Variants in OPCML observed in about 807,000 individuals in gnomAD.
OPCML encodes the protein opioid-binding protein/cell adhesion molecule.
In OPCML, 13 loss-of-function variants were observed where a neutral mutation model predicts 37.8. The ratio of observed to expected loss-of-function variants is 0.34; its 90% CI spans 0.22 to 0.55. The LOEUF is 0.55. Among genes scored for constraint, OPCML ranks in the 20% least tolerant of loss-of-function variants. The pLI is 0.91. For missense variants in OPCML, 341 were observed against 435.6 expected (o/e 0.78, Z 1.93); for synonymous variants, 176 against 168.8 (o/e 1.04, Z -0.33).
intron 1 of OPCML, among the ~76,000 whole-genome samples, chr11:133,283,745 A>G (rs2136515235): frequency 6.6e-6 from 1 of 152,274 alleles, no homozygotes; most frequent in East Asian, 1.9e-4. Flanking sequence ...AGTTGGGGGA[A>G]TAGGCCCCGG....
intron 2 of OPCML, among the ~76,000 whole-genome samples, chr11:132,783,773 T>A (rs1048120162): frequency 5.3e-5 from 8 of 152,146 alleles, no homozygotes; most frequent in African/African-American, 1.7e-4. Context: ...AAAATCTAAG[T>A]GAGACAAAGT....
At position 132,749,798 on chromosome 11, in the gene OPCML, G is replaced by A. The variant is rs372449427; in HGVS notation, c.147-92479C>T. On this transcript the variant is annotated intron_variant, in intron 2 of 7. Coordinates refer to ENST00000524381, the MANE Select transcript of OPCML (RefSeq NM_001012393.5). The stretch of plus-strand genomic sequence containing the variant: ...CAGGGATTGTGGTAGATGCCCCTGG[G>A]TCCAAGTGAAGAAACAGTTTTTAAA... 1.4e-3 allele frequency among the ~76,000 whole-genome samples: 212 copies of A among 152,254 alleles called. 3 individuals are homozygous for A. The South Asian group carries it at 0.02, about 14-fold the overall frequency.
At chr11:133,261,468 G>T (rs1046003640) in intron 1 of OPCML, among the ~76,000 whole-genome samples, 4 of 152,196 alleles carry the variant, frequency 2.6e-5, no homozygotes, top group African/African-American at 9.7e-5. Context: ...AGAGTGGTGA[G>T]GCTGGCACAT....
chr11:132,954,801 G>A (rs1189953095), intron 1 of OPCML, among the ~76,000 whole-genome samples: 1 of 152,092 alleles, frequency 6.6e-6, no homozygotes, highest in Non-Finnish European at 1.5e-5. Context: ...TCTGAGCAAC[G>A]CAAACACATG....
At chr11:132,597,516 T>C (rs369752335) in intron 3 of OPCML, among the ~76,000 whole-genome samples, 2 of 152,274 alleles carry the variant, frequency 1.3e-5, no homozygotes, top group Middle Eastern at 3.4e-3. Flanking sequence ...GCAAGACAAA[T>C]GAAAGGAAAG....
chr11:132,966,277 T>A (rs148147565), intron 1 of OPCML, among the ~76,000 whole-genome samples: 54 of 152,278 alleles, frequency 3.5e-4, no homozygotes, highest in Middle Eastern at 3.4e-3. Context: ...CCCTTGTGAT[T>A]GTTTTTCTTT....
At chr11:132,574,535 T>G (rs1177790852) in intron 3 of OPCML, among the ~76,000 whole-genome samples, 1 of 151,932 alleles carries the variant, frequency 6.6e-6, no homozygotes, top group East Asian at 1.9e-4. Context: ...TGTTCAAGAA[T>G]GTTTTGTGTA....
Position 133,264,665 on chromosome 11 carries a change from G to A in OPCML, c.61+267599C>T, listed in dbSNP as rs1292497527. ...TTTATAAGAGCACTTAGAAGCAAGT[G>A]CAAACCTCAGATTCCTCAACTTTCA... On this transcript the variant is annotated intron_variant, in intron 1 of 7. Transcript: ENST00000524381. Among the ~76,000 whole-genome samples the A allele has an allele frequency of 2.0e-5, 3 of 152,152 alleles. No homozygotes were observed. The East Asian group carries it at 5.8e-4, about 29-fold the overall frequency.
At chr11:133,263,650 C>T (rs1418345386) in intron 1 of OPCML, among the ~76,000 whole-genome samples, 4 of 152,076 alleles carry the variant, frequency 2.6e-5, no homozygotes, top group Non-Finnish European at 5.9e-5. Context: ...ACTTGTTTCT[C>T]ATGAGAGGCG....
intron 1 of OPCML, among the ~76,000 whole-genome samples, chr11:133,116,317 T>C (rs1949332770): frequency 6.6e-6 from 1 of 152,208 alleles, no homozygotes; most frequent in Non-Finnish European, 1.5e-5. Context: ...TAGGAAATGT[T>C]TGCATTATTA....
intron 1 of OPCML, among the ~76,000 whole-genome samples, chr11:133,412,658 C>T (rs1268917439): frequency 6.6e-6 from 1 of 152,214 alleles, no homozygotes; most frequent in Non-Finnish European, 1.5e-5. Context: ...ATCCTCTCTT[C>T]ATACACGCCA....
intron 3 of OPCML, among the ~76,000 whole-genome samples, chr11:132,599,141 T>TA (rs1937649862): frequency 6.6e-6 from 1 of 151,740 alleles, no homozygotes; most frequent in East Asian, 1.9e-4. Flanking sequence ...TAGCCAGGAG[T>TA]GGTGGCATAT....
At chr11:132,628,791 A>G (rs943958434) in intron 3 of OPCML, among the ~76,000 whole-genome samples, 16 of 152,110 alleles carry the variant, frequency 1.1e-4, no homozygotes, top group Non-Finnish European at 1.9e-4. Context: ...TGTTCTCATG[A>G]TAGTGAGTGA....
chr11:133,522,073 G>T (rs775533377), intron 1 of OPCML, among the ~76,000 whole-genome samples: 2 of 152,136 alleles, frequency 1.3e-5, no homozygotes, highest in Non-Finnish European at 2.9e-5. Context: ...TATTAGGAGT[G>T]GGGAGGTAAG....
At chr11:133,109,963 A>G (rs1949224895) in intron 1 of OPCML, among the ~76,000 whole-genome samples, 1 of 152,194 alleles carries the variant, frequency 6.6e-6, no homozygotes, top group South Asian at 2.1e-4. Flanking sequence ...ACCAAAGACA[A>G]TTTTGCTCTC....
At chr11:133,057,331 G>T (rs925545537) in intron 1 of OPCML, among the ~76,000 whole-genome samples, 5 of 152,184 alleles carry the variant, frequency 3.3e-5, no homozygotes, top group Admixed American at 1.3e-4. Flanking sequence ...ATTCAGAATT[G>T]TCCAAGGCCA....
At chr11:132,729,850 A>G (rs993387757) in intron 2 of OPCML, among the ~76,000 whole-genome samples, 7 of 152,130 alleles carry the variant, frequency 4.6e-5, no homozygotes, top group African/African-American at 4.8e-5. Flanking sequence ...GGGGATGAGC[A>G]GGATATTCTA....
chr11:133,411,074 T>G (rs1945641639), intron 1 of OPCML, among the ~76,000 whole-genome samples: 1 of 152,148 alleles, frequency 6.6e-6, no homozygotes, highest in Admixed American at 6.5e-5. Flanking sequence ...AGACAGATAT[T>G]AGAGGAACAA....
intron 1 of OPCML, among the ~76,000 whole-genome samples, chr11:132,992,544 A>C (rs73586491): frequency 6.6e-6 from 1 of 152,090 alleles, no homozygotes; most frequent in African/African-American, 2.4e-5. Context: ...CGACGGAACA[A>C]AAACAGAATT....
Sources: allele counts gnomAD v4.1 joint callset (sites outside exome capture counted in the v4.1 genomes callset), GRCh38; gene constraint gnomAD v4.1.1; transcripts MANE v1.5; gene names NCBI Gene and HGNC (gene_info 2026-07-23, HGNC 2026-07-21).